Variants in CTNNA3 observed in about 807,000 individuals in gnomAD.
CTNNA3 encodes catenin alpha 3, also known as catenin alpha-3.
In CTNNA3, 76 loss-of-function variants were observed where a neutral mutation model predicts 95.7. The ratio of observed to expected loss-of-function variants is 0.79; its 90% CI spans 0.66 to 0.96. The LOEUF (loss-of-function observed/expected upper bound fraction) is 0.96. CTNNA3 is among the 40% of genes least tolerant of loss of function. CTNNA3 has a pLI of 0.00. For missense variants in CTNNA3, 1,191 were observed against 1,089.8 expected, an observed-to-expected ratio of 1.09 and a Z score of -1.31; for synonymous variants, 431 against 374.4, an observed-to-expected ratio of 1.15 and a Z score of -1.74.
At chr10:66,926,218 A>C (rs544947041) in intron 7 of CTNNA3, 17 of 448,818 alleles carry the variant, frequency 3.8e-5, no homozygotes, top group Non-Finnish European at 6.9e-5. Context: ...ATTGCCTGGA[A>C]GAATACATCA....
At chr10:67,105,601 T>C (rs765719274) in intron 7 of CTNNA3, among the ~76,000 whole-genome samples, 3 of 152,190 alleles carry the variant, frequency 2.0e-5, no homozygotes, top group Non-Finnish European at 4.4e-5. Context: ...CTAAACAGTC[T>C]GATGAAAATG....
chr10:66,079,345 C>A (rs1009280193), intron 14 of CTNNA3: 1 of 151,748 alleles, frequency 6.6e-6, no homozygotes, highest in African/African-American at 2.4e-5. Context: ...ATTAGAAAAC[C>A]AATTCTAGTG....
intron 9 of CTNNA3, among the ~76,000 whole-genome samples, chr10:66,747,181 T>C (rs1485627498): frequency 6.6e-6 from 1 of 152,220 alleles, no homozygotes; most frequent in Non-Finnish European, 1.5e-5. Context: ...GCTTACAAGC[T>C]TAGAAAGTAT....
intron 5 of CTNNA3, among the ~76,000 whole-genome samples, chr10:67,452,451 T>G (rs1847024882): frequency 1.3e-5 from 2 of 152,198 alleles, no homozygotes; most frequent in Admixed American, 1.3e-4. Context: ...TATTTATGTG[T>G]GAGCAAGAAT....
intron 5 of CTNNA3, among the ~76,000 whole-genome samples, chr10:67,231,080 C>A (rs999153363): frequency 6.6e-6 from 1 of 152,080 alleles, no homozygotes; most frequent in Non-Finnish European, 1.5e-5. Context: ...AACTGCAAGG[C>A]GGCAGCGAGG....
intron 5 of CTNNA3, among the ~76,000 whole-genome samples, chr10:67,385,575 C>T (rs1844122211): frequency 6.6e-6 from 1 of 152,116 alleles, no homozygotes; most frequent in African/African-American, 2.4e-5. Context: ...GTACAAATAT[C>T]TATATGTGTA....
At chr10:67,256,599 G>A (rs1399450983) in intron 5 of CTNNA3, among the ~76,000 whole-genome samples, 5 of 151,914 alleles carry the variant, frequency 3.3e-5, no homozygotes, top group East Asian at 1.9e-4. Context: ...CCTTACATTC[G>A]ATTAAATGAC....
intron 5 of CTNNA3, among the ~76,000 whole-genome samples, chr10:67,367,989 C>G (rs1259227817): frequency 6.6e-6 from 1 of 152,084 alleles, no homozygotes; most frequent in Non-Finnish European, 1.5e-5. Flanking sequence ...CAGCATCACA[C>G]AACACACCCT....
chr10:66,004,725 G>T (rs111784241), intron 15 of CTNNA3, among the ~76,000 whole-genome samples: 6 of 152,292 alleles, frequency 3.9e-5, no homozygotes, highest in Non-Finnish European at 7.4e-5. Context: ...CAATGGCAAT[G>T]AAATTCTTGC....
At chr10:66,929,153 C>T (rs1361783776) in intron 7 of CTNNA3, among the ~76,000 whole-genome samples, 1 of 152,196 alleles carries the variant, frequency 6.6e-6, no homozygotes, top group African/African-American at 2.4e-5. Context: ...GTTTTCGACT[C>T]AGCCTTGTCT....
At chr10:66,244,166 T>A (rs575034922) in intron 13 of CTNNA3, among the ~76,000 whole-genome samples, 2 of 152,264 alleles carry the variant, frequency 1.3e-5, no homozygotes, top group Non-Finnish European at 1.5e-5. Context: ...CTCCTCTGCC[T>A]ATGGAAAGAG....
chr10:67,023,035 T>C (rs1280382018), intron 7 of CTNNA3, among the ~76,000 whole-genome samples: 4 of 152,206 alleles, frequency 2.6e-5, no homozygotes, highest in Non-Finnish European at 5.9e-5. Flanking sequence ...TGGTCAGTGA[T>C]TGGCATACTC....
At chr10:67,692,801 G>C (rs1840894454) in intron 1 of CTNNA3, among the ~76,000 whole-genome samples, 1 of 149,754 alleles carries the variant, frequency 6.7e-6, no homozygotes, top group Non-Finnish European at 1.5e-5. Flanking sequence ...TTTACTTTCA[G>C]GCACAAGCCT....
intron 5 of CTNNA3, among the ~76,000 whole-genome samples, chr10:67,240,041 T>A (rs1402886546): frequency 1.3e-5 from 2 of 152,150 alleles, no homozygotes; most frequent in African/African-American, 4.8e-5. Flanking sequence ...CCTGCCCACA[T>A]GGAATAGCTC....
At chr10:66,945,743 T>C (rs1848238531) in intron 7 of CTNNA3, among the ~76,000 whole-genome samples, 1 of 152,188 alleles carries the variant, frequency 6.6e-6, no homozygotes, top group Non-Finnish European at 1.5e-5. Flanking sequence ...GTGAGATAAA[T>C]GTGACTCTCT....
At chr10:67,239,458 T>A (rs1865632469) in intron 5 of CTNNA3, among the ~76,000 whole-genome samples, 1 of 152,082 alleles carries the variant, frequency 6.6e-6, no homozygotes, top group African/African-American at 2.4e-5. Context: ...CCTATCATTT[T>A]AAAAATCAAA....
intron 1 of CTNNA3, among the ~76,000 whole-genome samples, chr10:67,725,885 CAT>C (rs1841207977): frequency 7.1e-6 from 1 of 141,168 alleles, no homozygotes; most frequent in Non-Finnish European, 1.5e-5. Context: ...ACTAGAATGT[CAT>C]ATATATAATA....
intron 7 of CTNNA3, among the ~76,000 whole-genome samples, chr10:66,805,093 C>T (rs1186158642): frequency 1.3e-5 from 2 of 152,122 alleles, no homozygotes; most frequent in East Asian, 3.9e-4. Flanking sequence ...CTGGTGATAA[C>T]ATTTCACACG....
In CTNNA3 at chr10:66,335,768, G is replaced by T. The variant is rs563411806; in HGVS notation, c.1732+43384C>A. On this transcript the variant is annotated intron_variant, in intron 12 of 17. Coordinates refer to ENST00000433211, the MANE Select transcript of CTNNA3 (RefSeq NM_013266.4). ...ACTCTCTTTAAACCTGTCAGACAGGGACATTTAAGTCTGCAGAGGTTTCTG... is the reference window on the plus strand; with the variant it reads ...ACTCTCTTTAAACCTGTCAGACAGGTACATTTAAGTCTGCAGAGGTTTCTG... 7.1e-4 allele frequency among the ~76,000 whole-genome samples: 108 copies of T among 152,212 alleles called. 2 individuals carry two copies. The highest frequency in any genetic ancestry group is 2.5e-3 in the African/African-American group (104 of 41,568).
Sources: allele counts gnomAD v4.1 joint callset (sites outside exome capture counted in the v4.1 genomes callset), GRCh38; gene constraint gnomAD v4.1.1; transcripts MANE v1.5; gene names NCBI Gene and HGNC (gene_info 2026-07-23, HGNC 2026-07-21).